PRKG1: variants seen among roughly 807,000 people sequenced by gnomAD.
PRKG1 encodes protein kinase cGMP-dependent 1, also known as cGMP-dependent protein kinase 1.
PRKG1 carries 35 observed loss-of-function variants against 88.1 expected under a neutral mutation model. That is an observed-to-expected ratio of 0.40 (90% CI 0.30 to 0.53). The LOEUF (loss-of-function observed/expected upper bound fraction) is 0.53, where lower values mean the gene tolerates loss of function less well. Among genes scored for constraint, PRKG1 ranks in the 20% least tolerant of loss-of-function variants. PRKG1 has a pLI of 0.59. For synonymous variants in PRKG1, 303 were observed against 292.5 expected (o/e 1.04, Z -0.37); for missense variants, 540 against 839.8 (o/e 0.64, Z 4.41).
intron 3 of PRKG1, among the ~76,000 whole-genome samples, chr10:51,584,722 A>G (rs541509170): frequency 6.6e-5 from 10 of 152,170 alleles, no homozygotes; most frequent in South Asian, 2.1e-4. Context: ...ATCTGGCAAA[A>G]TAGGTTTATT....
intron 1 of PRKG1, among the ~76,000 whole-genome samples, chr10:51,122,401 C>T (rs986870837): frequency 3.9e-5 from 6 of 152,098 alleles, no homozygotes; most frequent in African/African-American, 7.2e-5. Flanking sequence ...CATTTCTAGT[C>T]CTAACTTTTC....
intron 3 of PRKG1, among the ~76,000 whole-genome samples, chr10:51,519,396 GA>G (rs976811042): frequency 1.3e-5 from 2 of 152,116 alleles, no homozygotes; most frequent in African/African-American, 4.8e-5. Flanking sequence ...AACCAGGACT[GA>G]AAACTCATTC....
chr10:51,211,722 T>A (rs1231788471), intron 2 of PRKG1, among the ~76,000 whole-genome samples: 2 of 152,032 alleles, frequency 1.3e-5, no homozygotes, highest in African/African-American at 4.8e-5. Context: ...CACAATTGCT[T>A]CAAAGAGAAT....
intron 2 of PRKG1, among the ~76,000 whole-genome samples, chr10:51,392,344 T>C (rs144226927): frequency 0.025 from 3,864 of 151,958 alleles, 170 homozygotes; most frequent in African/African-American, 0.088. Flanking sequence ...TTAAGGAGCA[T>C]GCTGCCTTCA....
intron 3 of PRKG1, among the ~76,000 whole-genome samples, chr10:51,720,295 A>T (rs1277767606): frequency 7.4e-6 from 1 of 134,500 alleles, no homozygotes; most frequent in Admixed American, 7.2e-5. Context: ...GTTGCTCCAC[A>T]TGCAGACATT....
intron 7 of PRKG1, among the ~76,000 whole-genome samples, chr10:52,124,042 T>C (rs1223758934): frequency 6.6e-6 from 1 of 152,180 alleles, no homozygotes; most frequent in Non-Finnish European, 1.5e-5. Flanking sequence ...ATAACTGAGA[T>C]GGCTACTAAG....
intron 7 of PRKG1, among the ~76,000 whole-genome samples, chr10:52,066,669 G>A (rs7900093): frequency 0.17 from 26,284 of 152,070 alleles, 2,862 homozygotes; most frequent in South Asian, 0.28. Flanking sequence ...TGATGAGGAC[G>A]GAAATTACTG....
chr10:51,118,090 C>G (rs1471446151), intron 1 of PRKG1, among the ~76,000 whole-genome samples: 1 of 152,104 alleles, frequency 6.6e-6, no homozygotes, highest in African/African-American at 2.4e-5. Flanking sequence ...ATTGGAGATC[C>G]TTCCTAACCC....
rs1009316449 is a variant in PRKG1, at chr10:51,912,789, T to C, written c.762+5219T>C. The stretch of plus-strand genomic sequence containing the variant: ...CCACCCCAGCCCCCACCTACCCCCT[T>C]CTGAAATTTCTAGCATAAATATACC... On this transcript the variant is annotated intron_variant, in intron 5 of 17. Transcript: ENST00000373980. Among the ~76,000 whole-genome samples, 22 of 151,846 alleles carry C rather than the reference T, an allele frequency of 1.4e-4. No individual in the cohort carries two copies. The East Asian group carries it at 4.3e-3, about 29-fold the overall frequency.
At position 51,368,978 on chromosome 10, in the gene PRKG1, T is replaced by G. The variant is rs1042753343; in HGVS notation, c.479-98745T>G. On this transcript the variant is annotated intron_variant, in intron 2 of 17. Coordinates refer to ENST00000373980, the MANE Select transcript of PRKG1 (RefSeq NM_006258.4). Reference sequence around the variant, plus strand: ...ATTCTAGGTGAAGGAATCTCAGAGATTTCCTTCATCTTCATAACACCAGAA... The same window carrying G: ...ATTCTAGGTGAAGGAATCTCAGAGAGTTCCTTCATCTTCATAACACCAGAA... 4.6e-5 allele frequency among the ~76,000 whole-genome samples: 7 copies of G among 152,038 alleles called. 1 individual carries two copies. The highest frequency in any genetic ancestry group is 1.7e-4 in the African/African-American group (7 of 41,422).
chr10:52,020,427 C>T lies in PRKG1; in HGVS notation c.763-34057C>T, dbSNP rs532800325. On this transcript the variant is annotated intron_variant, in intron 5 of 17. Transcript: ENST00000373980. ...ACTCCATAAGAGTCTATAGTAACCT[C>T]AATTCTTGCCTCCTCAGAAGAAAGA... Among the ~76,000 whole-genome samples, 3 of 152,248 alleles carry T rather than the reference C, an allele frequency of 2.0e-5. No individual in the cohort carries two copies. The South Asian group carries it at 6.2e-4, about 32-fold the overall frequency.
chr10:51,020,723 C>T (rs1179384786), intron 1 of PRKG1, among the ~76,000 whole-genome samples: 1 of 152,182 alleles, frequency 6.6e-6, no homozygotes, highest in African/African-American at 2.4e-5. Context: ...ACCCCAATCT[C>T]AGTCCACTTT....
intron 2 of PRKG1, among the ~76,000 whole-genome samples, chr10:51,257,450 T>C (rs943807097): frequency 2.6e-5 from 4 of 152,188 alleles, no homozygotes; most frequent in African/African-American, 9.7e-5. Flanking sequence ...CAGAATACTT[T>C]GGGTTGGAAG....
intron 5 of PRKG1, among the ~76,000 whole-genome samples, chr10:51,913,120 G>C (rs1205220504): frequency 6.6e-6 from 1 of 152,104 alleles, no homozygotes; most frequent in Non-Finnish European, 1.5e-5. Context: ...GTAGAGACAG[G>C]GTTTTGCCAT....
chr10:51,649,309 A>G (rs764684603), intron 3 of PRKG1, among the ~76,000 whole-genome samples: 2 of 152,184 alleles, frequency 1.3e-5, no homozygotes, highest in Non-Finnish European at 2.9e-5. Context: ...ATAGTAGTAT[A>G]TTCATTGTTG....
intron 7 of PRKG1, among the ~76,000 whole-genome samples, chr10:52,101,209 T>C (rs1847285391): frequency 6.6e-6 from 1 of 152,200 alleles, no homozygotes; most frequent in Non-Finnish European, 1.5e-5. Context: ...TCCTGTCTTA[T>C]TATGACAACA....
chr10:51,637,094 T>C (rs1839674833), intron 3 of PRKG1, among the ~76,000 whole-genome samples: 2 of 152,038 alleles, frequency 1.3e-5, no homozygotes, highest in Non-Finnish European at 2.9e-5. Flanking sequence ...AAAAACCCCA[T>C]TAAAATATAG....
chr10:51,343,746 C>T (rs2132551389), intron 2 of PRKG1, among the ~76,000 whole-genome samples: 1 of 152,098 alleles, frequency 6.6e-6, no homozygotes, highest in East Asian at 1.9e-4. Flanking sequence ...TAAGGTTGGC[C>T]CTCAATAAAT....
chr10:51,894,375 G>A (rs532851805), intron 4 of PRKG1, among the ~76,000 whole-genome samples: 1 of 152,240 alleles, frequency 6.6e-6, no homozygotes, highest in East Asian at 1.9e-4. Context: ...TTCATAGAGA[G>A]AGAAAGTAGA....
Sources: allele counts gnomAD v4.1 joint callset (sites outside exome capture counted in the v4.1 genomes callset), GRCh38; gene constraint gnomAD v4.1.1; transcripts MANE v1.5; gene names NCBI Gene and HGNC (gene_info 2026-07-23, HGNC 2026-07-21).